Variants in BRD4 observed in about 807,000 individuals in gnomAD.
BRD4 encodes the protein bromodomain containing 4.
BRD4 carries 16 observed loss-of-function variants against 142.1 expected under a neutral mutation model. The ratio of observed to expected loss-of-function variants is 0.11; its 90% CI spans 0.08 to 0.17. The LOEUF (loss-of-function observed/expected upper bound fraction) is 0.17, where lower values mean the gene tolerates loss of function less well. Among genes scored for constraint, BRD4 ranks in the 10% least tolerant of loss-of-function variants. BRD4 has a pLI of 1.00. For missense variants in BRD4, 1,424 were observed against 1,810.9 expected (o/e 0.79, Z 3.88); for synonymous variants, 833 against 707.5 (o/e 1.18, Z -2.82).
At chr19:15,308,402 T>C (rs1039344273) in intron 1 of BRD4, among the ~76,000 whole-genome samples, 2 of 149,742 alleles carry the variant, frequency 1.3e-5, no homozygotes, top group Non-Finnish European at 3.0e-5. Context: ...GACTGGCCAA[T>C]GTGGTGAAAC....
At chr19:15,279,833 C>T (rs929320082) in intron 1 of BRD4, among the ~76,000 whole-genome samples, 2 of 152,208 alleles carry the variant, frequency 1.3e-5, no homozygotes, top group Non-Finnish European at 2.9e-5. Flanking sequence ...GGCCTCCCAG[C>T]GGACCTCTTG....
At chr19:15,295,831 C>T (rs2047818306) in intron 1 of BRD4, among the ~76,000 whole-genome samples, 1 of 152,066 alleles carries the variant, frequency 6.6e-6, no homozygotes, top group Non-Finnish European at 1.5e-5. Context: ...ATTAGCCAGG[C>T]ATAGTGGCAC....
chr19:15,255,226 G>A (rs1407168856), intron 10 of BRD4, 71 bp downstream of exon 10: 3 of 1,418,074 alleles, frequency 2.1e-6, no homozygotes, highest in Non-Finnish European at 2.9e-6. Context: ...AGAGTGGACT[G>A]AGCAAGGAGG....
At chr19:15,255,199 A>AAGG (rs572478409) in intron 10 of BRD4, 98 bp downstream of exon 10, 25 of 1,069,972 alleles carry the variant, frequency 2.3e-5, no homozygotes, top group African/African-American at 8.3e-5. Context: ...GAAAAAAAAA[A>AAGG]GGGGGGGGGC....
At chr19:15,280,529 G>GT in intron 1 of BRD4, 1 of 811,618 alleles carries the variant, frequency 1.2e-6, no homozygotes, top group Non-Finnish European at 1.5e-6. Flanking sequence ...GATATATCCC[G>GT]TGTCATAGGT....
chr19:15,254,641 CA>C (rs1386035504), intron 10 of BRD4, among the ~76,000 whole-genome samples: 3 of 152,044 alleles, frequency 2.0e-5, no homozygotes, highest in African/African-American at 7.2e-5. Flanking sequence ...AACATGCTGC[CA>C]AAAGGTAACG....
intron 14 of BRD4, among the ~76,000 whole-genome samples, chr19:15,240,228 G>A (rs2047227985): frequency 6.6e-6 from 1 of 152,186 alleles, no homozygotes; most frequent in South Asian, 2.1e-4. Flanking sequence ...CTCCCCGAAA[G>A]GGCTGAGTGC....
chr19:15,243,261 C>T lies in BRD4; in HGVS notation c.2808G>A (p.Gln936=), dbSNP rs2047255326. The change falls in exon 14 of 20, where the codon CAG becomes CAA. Residue 936 remains glutamine (Q), a synonymous_variant. Transcript: ENST00000679869. The part of the protein sequence containing the change: ...MQMQLYLQQL[Q]KVQPPTPLLP... ...GTAGCGGCGTAGGGGGCTGCACCTT[C>T]TGCAGCTGCTGCAGGTACAGCTGCA... 16 of 1,457,784 alleles carry T rather than the reference C, an allele frequency of 1.1e-5. No homozygotes were observed. Among genetic ancestry groups the T allele is most frequent in the Admixed American group, 2.4e-5 (1 of 42,298 alleles). The allele number at this position is 1,457,784 out of a possible 1,614,324, so 90.3% of individuals were successfully genotyped here.
intron 1 of BRD4, among the ~76,000 whole-genome samples, chr19:15,288,727 C>T (rs371126158): frequency 7.2e-5 from 11 of 152,356 alleles, no homozygotes; most frequent in East Asian, 5.8e-4. Flanking sequence ...CGAGGGTGGC[C>T]ACTAAGCCGT....
intron 1 of BRD4, among the ~76,000 whole-genome samples, chr19:15,292,777 C>CAAAAAAAAAAAAAAAAA (rs57341445): frequency 8.4e-4 from 48 of 57,260 alleles, no homozygotes; most frequent in Admixed American, 1.1e-3. Context: ...GACTCCGTCT[C>CAAAAAAAAAAAAAAAAA]AAAAAAAAAA....
intron 1 of BRD4, among the ~76,000 whole-genome samples, chr19:15,280,711 T>G (rs2145646480): frequency 6.6e-6 from 1 of 152,298 alleles, no homozygotes; most frequent in East Asian, 1.9e-4. Flanking sequence ...CAGCCCCTCA[T>G]GAAATCACAA....
At chr19:15,275,155 G>A (rs1392845764) in intron 1 of BRD4, among the ~76,000 whole-genome samples, 1 of 152,086 alleles carries the variant, frequency 6.6e-6, no homozygotes, top group Admixed American at 6.5e-5. Context: ...CACCATGCCC[G>A]GACAGAAGCT....
At chr19:15,253,970 C>G (rs1392108223) in intron 11 of BRD4, 182 bp downstream of exon 11, 6 of 698,490 alleles carry the variant, frequency 8.6e-6, no homozygotes, top group Admixed American at 5.1e-5. Context: ...CACTACTGCA[C>G]AGAGTGCAGG....
intron 1 of BRD4, among the ~76,000 whole-genome samples, chr19:15,274,683 C>T (rs1427253461): frequency 1.3e-5 from 2 of 152,162 alleles, no homozygotes; most frequent in Non-Finnish European, 2.9e-5. Context: ...CTAAGCAATG[C>T]CCTTGAGGCA....
At chr19:15,265,706 C>T (rs2047527393) in intron 4 of BRD4, 63 bp from the exon 5 acceptor site, 12 of 1,546,588 alleles carry the variant, frequency 7.8e-6, no homozygotes, top group East Asian at 4.5e-5. Flanking sequence ...TGGCTGACCT[C>T]GTGGGGACAT....
chr19:15,295,627 A>G (rs1262241275), intron 1 of BRD4, among the ~76,000 whole-genome samples: 2 of 152,244 alleles, frequency 1.3e-5, no homozygotes, highest in African/African-American at 4.8e-5. Flanking sequence ...ATGTAATAAG[A>G]CAAGAAAAGG....
At chr19:15,259,068 C>A (rs528569814) in intron 7 of BRD4, among the ~76,000 whole-genome samples, 2 of 152,154 alleles carry the variant, frequency 1.3e-5, no homozygotes, top group South Asian at 4.2e-4. Context: ...TAAGACAGAT[C>A]CCTAGCCCTG....
chr19:15,276,700 G>A (rs1244857849), intron 1 of BRD4, among the ~76,000 whole-genome samples: 1 of 152,144 alleles, frequency 6.6e-6, no homozygotes, highest in Non-Finnish European at 1.5e-5. Flanking sequence ...TCAAAGCTCT[G>A]GAAAAGCAAA....
chr19:15,309,699 G>A (rs1250179043), intron 1 of BRD4, among the ~76,000 whole-genome samples: 1 of 152,126 alleles, frequency 6.6e-6, no homozygotes, highest in African/African-American at 2.4e-5. Flanking sequence ...CATTTCTAAG[G>A]ATACAACCAG....
Sources: gnomAD v4.1 joint callset for allele counts (sites outside exome capture counted in the v4.1 genomes callset) on GRCh38, gnomAD v4.1.1 for gene constraint, MANE v1.5 for transcripts, NCBI Gene and HGNC (gene_info 2026-07-23, HGNC 2026-07-21) for gene names.